The following PSD3 variants were observed in gnomAD, a reference collection of about 807,000 sequenced individuals.
The protein encoded by PSD3 is pleckstrin and Sec7 domain containing 3.
In PSD3, 49 loss-of-function variants were observed where a neutral mutation model predicts 105.5. The observed-to-expected ratio is 0.46, with a 90% confidence interval of 0.37 to 0.59. The LOEUF is 0.59. Ranked by LOEUF, PSD3 falls within the 20% of genes least tolerant of loss-of-function variation. The pLI, the probability that PSD3 is intolerant of heterozygous loss-of-function variation, is 0.00. For synonymous variants in PSD3, 557 were observed against 457.8 expected, an observed-to-expected ratio of 1.22 and a Z score of -2.77; for missense variants, 1,561 against 1,263.8, an observed-to-expected ratio of 1.24 and a Z score of -3.57.
At chr8:19,012,904 G>C (rs1348468513) in intron 1 of PSD3, among the ~76,000 whole-genome samples, 3 of 152,084 alleles carry the variant, frequency 2.0e-5, no homozygotes, top group African/African-American at 4.8e-5. Flanking sequence ...TGCCTAGTGG[G>C]CGTTTAACAT....
intron 9 of PSD3, among the ~76,000 whole-genome samples, chr8:18,723,431 A>G (rs1201260097): frequency 1.3e-5 from 2 of 152,240 alleles, no homozygotes; most frequent in Non-Finnish European, 2.9e-5. Flanking sequence ...GAAAGTCATT[A>G]AAAAGATCTT....
At chr8:19,043,466 G>T (rs1217055412) in intron 1 of PSD3, among the ~76,000 whole-genome samples, 2 of 152,142 alleles carry the variant, frequency 1.3e-5, no homozygotes, top group Admixed American at 6.5e-5. Flanking sequence ...GTAGATTGGG[G>T]TCCAATCTAT....
intron 1 of PSD3, among the ~76,000 whole-genome samples, chr8:18,942,751 AT>A (rs1822630975): frequency 6.6e-6 from 1 of 152,154 alleles, no homozygotes; most frequent in African/African-American, 2.4e-5. Flanking sequence ...TTGATCTCGA[AT>A]TTCTACTCTC....
chr8:18,655,544 C>A, intron 10 of PSD3, 98 bp downstream of exon 10: 4 of 1,124,276 alleles, frequency 3.6e-6, no homozygotes, highest in Non-Finnish European at 5.4e-6. Flanking sequence ...ATTGGCAATG[C>A]ATATTTAATC....
intron 4 of PSD3, among the ~76,000 whole-genome samples, chr8:18,836,795 G>GA (rs1157412562): frequency 2.7e-5 from 4 of 149,936 alleles, no homozygotes; most frequent in African/African-American, 4.9e-5. Flanking sequence ...ATAATGACAA[G>GA]AAAAAAAAAG....
chr8:18,826,789 A>C (rs1165973820), intron 4 of PSD3, among the ~76,000 whole-genome samples: 2 of 152,226 alleles, frequency 1.3e-5, no homozygotes, highest in African/African-American at 4.8e-5. Context: ...CTCAACACTG[A>C]GATGAATATT....
intron 8 of PSD3, among the ~76,000 whole-genome samples, chr8:18,777,121 A>C (rs967252391): frequency 6.6e-6 from 1 of 151,882 alleles, no homozygotes; most frequent in Admixed American, 6.6e-5. Context: ...TGGCTCACTG[A>C]AACCTCTGCC....
chr8:19,076,548 G>C (rs1208118943), intron 1 of PSD3, among the ~76,000 whole-genome samples: 2 of 152,108 alleles, frequency 1.3e-5, no homozygotes, highest in African/African-American at 4.8e-5. Context: ...AGCAATACTT[G>C]GGTACCAGCA....
chr8:18,580,025 A>G (rs1802706281), intron 12 of PSD3, among the ~76,000 whole-genome samples: 1 of 152,218 alleles, frequency 6.6e-6, no homozygotes, highest in African/African-American at 2.4e-5. Flanking sequence ...TTGTCTATTA[A>G]TTCATGGTTT....
chr8:18,948,264 A>C (rs1441169276), intron 1 of PSD3, among the ~76,000 whole-genome samples: 3 of 152,242 alleles, frequency 2.0e-5, no homozygotes, highest in African/African-American at 7.2e-5. Flanking sequence ...CATTTAAAAA[A>C]TAAAAACATT....
intron 12 of PSD3, among the ~76,000 whole-genome samples, chr8:18,599,424 T>C (rs1435097250): frequency 6.6e-6 from 1 of 152,156 alleles, no homozygotes; most frequent in Non-Finnish European, 1.5e-5. Context: ...AATTAGGATC[T>C]TGAAGAGATA....
At chr8:18,835,320 C>T (rs189054479) in intron 4 of PSD3, among the ~76,000 whole-genome samples, 10 of 152,300 alleles carry the variant, frequency 6.6e-5, no homozygotes, top group Admixed American at 4.6e-4. Flanking sequence ...CTGTTTTTCA[C>T]GCATTACTCA....
intron 8 of PSD3, among the ~76,000 whole-genome samples, chr8:18,798,026 C>G (rs1410277792): frequency 6.6e-6 from 1 of 152,142 alleles, no homozygotes; most frequent in Non-Finnish European, 1.5e-5. Flanking sequence ...GCAGTGAAAA[C>G]TTGCTTGGCC....
intron 1 of PSD3, among the ~76,000 whole-genome samples, chr8:19,026,970 G>T (rs191077079): frequency 1.2e-4 from 19 of 152,216 alleles, no homozygotes; most frequent in African/African-American, 4.6e-4. Context: ...TTTTGGGCAA[G>T]AATAGTATGT....
intron 1 of PSD3, among the ~76,000 whole-genome samples, chr8:19,072,093 T>G (rs1187483569): frequency 7.5e-6 from 1 of 132,598 alleles, no homozygotes; most frequent in Admixed American, 8.9e-5. Context: ...TTTGGTTTCC[T>G]GAATATTTCT....
intron 4 of PSD3, among the ~76,000 whole-genome samples, chr8:18,863,035 G>A (rs901441090): frequency 2.6e-5 from 4 of 152,142 alleles, no homozygotes; most frequent in African/African-American, 4.8e-5. Context: ...AGCAAGATCT[G>A]AAAGGAAAAC....
chr8:18,971,380 C>A (rs1354585820), intron 1 of PSD3, among the ~76,000 whole-genome samples: 1 of 152,182 alleles, frequency 6.6e-6, no homozygotes, highest in Non-Finnish European at 1.5e-5. Context: ...CCCTCCCATG[C>A]GCCTGGGCTC....
At chr8:18,777,100 T>C (rs1347773431) in intron 8 of PSD3, among the ~76,000 whole-genome samples, 2 of 152,154 alleles carry the variant, frequency 1.3e-5, no homozygotes, top group Non-Finnish European at 2.9e-5. Context: ...TGGAGTGCAG[T>C]GGAACGATCT....
At chr8:18,927,145 C>T (rs1821423051) in intron 2 of PSD3, among the ~76,000 whole-genome samples, 1 of 152,168 alleles carries the variant, frequency 6.6e-6, no homozygotes, top group African/African-American at 2.4e-5. Context: ...CCTCCCCAGG[C>T]ACGCCACCTT....
Sources: gnomAD v4.1 joint callset for allele counts (sites outside exome capture counted in the v4.1 genomes callset) on GRCh38, gnomAD v4.1.1 for gene constraint, MANE v1.5 for transcripts, NCBI Gene and HGNC (gene_info 2026-07-23, HGNC 2026-07-21) for gene names.